The following DMD variants were observed in gnomAD, a reference collection of about 807,000 sequenced individuals.
DMD encodes the protein dystrophin.
Under a neutral mutation model 330.1 loss-of-function variants are expected in DMD, and 63 were observed. The observed-to-expected ratio is 0.19, with a 90% CI of 0.16 to 0.24. The LOEUF is 0.24. Ranked by LOEUF, DMD falls within the 10% of genes least tolerant of loss-of-function variation. The pLI, the probability that DMD is intolerant of heterozygous loss-of-function variation, is 1.00. For synonymous variants in DMD, 1,223 were observed against 959.8 expected (o/e 1.27, Z -5.07); for missense variants, 3,344 against 2,684.1 (o/e 1.25, Z -5.43).
chrX:32,430,221 G>C (rs1191054047), intron 29 of DMD, among the ~76,000 whole-genome samples: 2 of 111,450 alleles, frequency 1.8e-5, no homozygotes, highest in African/African-American at 6.5e-5. Flanking sequence ...CTCACCTCTA[G>C]CTGCTAATAT....
intron 15 of DMD, among the ~76,000 whole-genome samples, chrX:32,568,468 C>T (rs1459079976): frequency 8.4e-5 from 9 of 107,258 alleles, no homozygotes; most frequent in Non-Finnish European, 1.3e-4. Context: ...GATCACACCA[C>T]TGCACTCCAG....
At chrX:32,641,408 G>GTATATATATATATA (rs72324944) in intron 11 of DMD, 5 of 90,530 alleles carry the variant, frequency 5.5e-5, no homozygotes, top group East Asian at 7.7e-4. Flanking sequence ...TATTTTATAC[G>GTATATATATATATA]TATATATATA....
intron 17 of DMD, among the ~76,000 whole-genome samples, chrX:32,523,798 T>G (rs1341856240): frequency 8.9e-6 from 1 of 111,739 alleles, no homozygotes; most frequent in Non-Finnish European, 1.9e-5. Context: ...AGGAAAGGGA[T>G]CACAGCCTTT....
chrX:31,947,841 TTTC>T (rs768708356), intron 45 of DMD, among the ~76,000 whole-genome samples: 1 of 103,431 alleles, frequency 9.7e-6, no homozygotes. Flanking sequence ...TCATTTTTTC[TTTC>T]TTCTTCTTCA....
chrX:32,821,260 TTGACTC>T (rs1165571370), intron 5 of DMD, among the ~76,000 whole-genome samples: 1 of 111,446 alleles, frequency 9.0e-6, no homozygotes, highest in Non-Finnish European at 1.9e-5. Context: ...TACTCACTAT[TTGACTC>T]TGAGCAAGAG....
intron 60 of DMD, among the ~76,000 whole-genome samples, chrX:31,359,503 C>A (rs1282488590): frequency 8.9e-6 from 1 of 112,111 alleles, no homozygotes; most frequent in Non-Finnish European, 1.9e-5. Flanking sequence ...ACCTTAGTTT[C>A]TTTATGTGTT....
chrX:31,896,988 T>C (rs1419123107), intron 47 of DMD, among the ~76,000 whole-genome samples: 1 of 110,322 alleles, frequency 9.1e-6, no homozygotes, highest in Admixed American at 9.6e-5. Context: ...TAGTTACATA[T>C]GTATACATGT....
chrX:31,763,092 C>T (rs957455192), intron 51 of DMD, among the ~76,000 whole-genome samples: 1 of 112,738 alleles, frequency 8.9e-6, no homozygotes, highest in Admixed American at 9.4e-5. Flanking sequence ...TAGAATATTA[C>T]ACCTTCCTTT....
chrX:32,335,440 G>T (rs528724937), intron 41 of DMD, among the ~76,000 whole-genome samples: 5 of 102,628 alleles, frequency 4.9e-5, no homozygotes, highest in Non-Finnish European at 9.8e-5. Context: ...GTTATATATG[G>T]ATGTATATAT....
chrX:31,905,771 A>G (rs1266950972), intron 47 of DMD, among the ~76,000 whole-genome samples: 1 of 111,920 alleles, frequency 8.9e-6, no homozygotes, highest in Non-Finnish European at 1.9e-5. Context: ...AGAGTTGATG[A>G]AGACATGTTG....
intron 7 of DMD, among the ~76,000 whole-genome samples, chrX:32,776,836 G>T (rs761986097): frequency 8.9e-6 from 1 of 111,803 alleles, no homozygotes; most frequent in African/African-American, 3.3e-5. Context: ...CTAAACCACT[G>T]ATGTTCTCAA....
chrX:32,481,073 C>G (rs1349458687), intron 21 of DMD, among the ~76,000 whole-genome samples: 1 of 110,949 alleles, frequency 9.0e-6, no homozygotes, highest in Non-Finnish European at 1.9e-5. Flanking sequence ...TTCCCAGTCT[C>G]AGCATCCTAA....
At chrX:31,256,058 G>A (rs143755741) in intron 63 of DMD, among the ~76,000 whole-genome samples, 1 of 110,029 alleles carries the variant, frequency 9.1e-6, no homozygotes, top group South Asian at 4.0e-4. Context: ...TTACAGGCGT[G>A]AGCCACCGTG....
In DMD at chrX:32,342,123, G is replaced by A. The variant is rs128626249; in HGVS notation, c.5899C>T (p.Arg1967Ter). 1 of 1,209,384 alleles carries A rather than the reference G, an allele frequency of 8.3e-7. No individual in the cohort carries two copies. The highest frequency in any genetic ancestry group is 1.8e-5 in the South Asian group (1 of 56,805). Residue 1967 changes from arginine (R) to a stop codon, truncating the protein, a stop_gained, in exon 41 of 79, where the codon CGA becomes TGA. Coordinates refer to ENST00000357033, the MANE Select transcript of DMD (RefSeq NM_004006.3). LOFTEE classifies it high-confidence loss of function. Reference sequence around the variant, plus strand: ...ACAATTTGTGCAAAGTTGAGTCTTCGAAACTGAGCAAATTTGCTCTCAATT... The same window carrying A: ...ACAATTTGTGCAAAGTTGAGTCTTCAAAACTGAGCAAATTTGCTCTCAATT... ...REIESKFAQFRRLNFAQIHTV... is the reference protein window; with the variant it reads ...REIESKFAQF
chrX:32,726,427 A>G (rs1273936304), intron 7 of DMD, among the ~76,000 whole-genome samples: 1 of 110,755 alleles, frequency 9.0e-6, no homozygotes, highest in Non-Finnish European at 1.9e-5. Flanking sequence ...TGGTCATGTG[A>G]CTCTCATTTG....
intron 44 of DMD, among the ~76,000 whole-genome samples, chrX:32,033,656 G>A (rs868603615): frequency 2.8e-4 from 14 of 50,858 alleles, no homozygotes; most frequent in Non-Finnish European, 3.6e-4. Context: ...AAAGAAAGAA[G>A]AAAGAAAGAA....
At chrX:31,476,094 T>C (rs1199623153) in intron 59 of DMD, among the ~76,000 whole-genome samples, 2 of 108,884 alleles carry the variant, frequency 1.8e-5, no homozygotes, top group African/African-American at 3.3e-5. Flanking sequence ...GAAATTTAAG[T>C]GTGACAATTT....
chrX:32,310,893 G>A (rs1332383261), intron 41 of DMD, among the ~76,000 whole-genome samples: 4 of 110,693 alleles, frequency 3.6e-5, no homozygotes, highest in African/African-American at 9.8e-5. Flanking sequence ...ACTGACTGCG[G>A]AATTTATATT....
intron 55 of DMD, among the ~76,000 whole-genome samples, chrX:31,548,558 C>CT (rs754058241): frequency 0.014 from 1,356 of 95,404 alleles, 13 homozygotes; most frequent in Non-Finnish European, 0.019. Context: ...TTTTCTTTTT[C>CT]TTTTTTTTTT....
Sources: allele counts gnomAD v4.1 joint callset (sites outside exome capture counted in the v4.1 genomes callset), GRCh38; gene constraint gnomAD v4.1.1; transcripts MANE v1.5; gene names NCBI Gene and HGNC (gene_info 2026-07-23, HGNC 2026-07-21).